The following HOMER2 variants were observed in gnomAD, a reference collection of about 807,000 sequenced individuals.
HOMER2 encodes homer scaffold protein 2.
Under a neutral mutation model 47.0 loss-of-function variants are expected in HOMER2, and 27 were observed. That is an observed-to-expected ratio of 0.57 (90% CI 0.42 to 0.79). The LOEUF is 0.79. Among genes scored for constraint, HOMER2 ranks in the 30% least tolerant of loss-of-function variants. The pLI is 0.00. For missense variants in HOMER2, 443 were observed against 435.0 expected (o/e 1.02, Z -0.16); for synonymous variants, 161 against 163.8 (o/e 0.98, Z 0.13).
At chr15:82,868,096 T>G (rs1279178854) in intron 3 of HOMER2, among the ~76,000 whole-genome samples, 3 of 152,124 alleles carry the variant, frequency 2.0e-5, no homozygotes, top group Non-Finnish European at 2.9e-5. Context: ...GAAAAAAATA[T>G]TTTTTTCATA....
At chr15:82,855,351 A>G (rs2051548870) in intron 5 of HOMER2, among the ~76,000 whole-genome samples, 2 of 148,144 alleles carry the variant, frequency 1.4e-5, no homozygotes, top group African/African-American at 5.0e-5. Context: ...AAAAAAAAAG[A>G]AAACACAATT....
At chr15:82,866,619 T>C (rs540512199) in intron 3 of HOMER2, among the ~76,000 whole-genome samples, 33 of 152,320 alleles carry the variant, frequency 2.2e-4, no homozygotes, top group African/African-American at 7.5e-4. Context: ...AATTCCCACA[T>C]GTCATGGGAA....
chr15:82,934,176 C>A (rs781249518), intron 1 of HOMER2, among the ~76,000 whole-genome samples: 2 of 152,126 alleles, frequency 1.3e-5, no homozygotes, highest in Admixed American at 6.6e-5. Flanking sequence ...ATCCTGGTGG[C>A]CCCCATCATG....
chr15:82,853,091 C>T (rs117460487), intron 6 of HOMER2, among the ~76,000 whole-genome samples: 1,607 of 152,320 alleles, frequency 0.011, 7 homozygotes, highest in Non-Finnish European at 0.016. Flanking sequence ...GGACACTTCC[C>T]AGAGGCAGGC....
chr15:82,977,975 C>T (rs1292142386), intron 1 of HOMER2, among the ~76,000 whole-genome samples: 2 of 152,114 alleles, frequency 1.3e-5, no homozygotes, highest in African/African-American at 4.8e-5. Flanking sequence ...CATGGTGAAA[C>T]CCCGTCTCTA....
Position 82,917,742 on chromosome 15 carries a change from C to T in HOMER2, c.6-24901G>A, listed in dbSNP as rs539107605. Reference sequence around the variant, plus strand: ...ACACTTGGAAACAGTGTGCCTCCCACCAGCCTTTCATATGCTGCAGGCCTA... The same window carrying T: ...ACACTTGGAAACAGTGTGCCTCCCATCAGCCTTTCATATGCTGCAGGCCTA... On this transcript the variant is annotated intron_variant, in intron 1 of 8. Transcript: ENST00000450735. 1.7e-4 allele frequency among the ~76,000 whole-genome samples: 26 copies of T among 152,306 alleles called. No individual in the cohort carries two copies. In the South Asian group the frequency reaches 2.5e-3, roughly 15 times the overall value.
intron 1 of HOMER2, among the ~76,000 whole-genome samples, chr15:82,894,813 T>C (rs1418321195): frequency 1.4e-5 from 2 of 145,176 alleles, no homozygotes; most frequent in Non-Finnish European, 3.0e-5. Flanking sequence ...AAAAGAGACA[T>C]AGACAAGATA....
chr15:82,929,231 C>T (rs899292285), intron 1 of HOMER2, among the ~76,000 whole-genome samples: 1 of 152,112 alleles, frequency 6.6e-6, no homozygotes, highest in African/African-American at 2.4e-5. Context: ...TACAATCCAA[C>T]AGGATCAAAG....
At chr15:82,911,457 G>A (rs541939266) in intron 1 of HOMER2, among the ~76,000 whole-genome samples, 5 of 152,240 alleles carry the variant, frequency 3.3e-5, no homozygotes, top group African/African-American at 9.6e-5. Context: ...GGGAAAAAAA[G>A]CTGTTTTTTT....
At chr15:82,980,644 A>T (rs1267206847) in intron 1 of HOMER2, among the ~76,000 whole-genome samples, 1 of 152,188 alleles carries the variant, frequency 6.6e-6, no homozygotes, top group African/African-American at 2.4e-5. Flanking sequence ...AATACAGAAC[A>T]ATAAGAAAAC....
At chr15:82,939,781 C>G (rs1439931541) in intron 1 of HOMER2, among the ~76,000 whole-genome samples, 1 of 152,158 alleles carries the variant, frequency 6.6e-6, no homozygotes, top group East Asian at 1.9e-4. Flanking sequence ...ATCTCTTAAG[C>G]CCAGTCTCTT....
chr15:82,979,278 C>T (rs1314852578), intron 1 of HOMER2, among the ~76,000 whole-genome samples: 1 of 152,070 alleles, frequency 6.6e-6, no homozygotes, highest in Non-Finnish European at 1.5e-5. Context: ...TGAGACTGGA[C>T]CGATAAGACA....
At chr15:82,891,549 A>G (rs1217930323) in intron 2 of HOMER2, among the ~76,000 whole-genome samples, 1 of 152,096 alleles carries the variant, frequency 6.6e-6, no homozygotes, top group Non-Finnish European at 1.5e-5. Context: ...AGGCTTCCCC[A>G]CACCTTCTGT....
At chr15:82,891,524 G>T (rs550143552) in intron 2 of HOMER2, among the ~76,000 whole-genome samples, 1 of 152,256 alleles carries the variant, frequency 6.6e-6, no homozygotes, top group South Asian at 2.1e-4. Context: ...GCCTTCCCTG[G>T]GAGAGCTTCC....
At chr15:82,918,002 G>A (rs890147625) in intron 1 of HOMER2, among the ~76,000 whole-genome samples, 2 of 152,144 alleles carry the variant, frequency 1.3e-5, no homozygotes, top group African/African-American at 2.4e-5. Context: ...CTGCTCCTCA[G>A]CTGGACCATC....
At chr15:82,966,481 G>C (rs923320877) in intron 1 of HOMER2, among the ~76,000 whole-genome samples, 2 of 152,182 alleles carry the variant, frequency 1.3e-5, no homozygotes, top group African/African-American at 4.8e-5. Flanking sequence ...ACACCCTGTT[G>C]CTCCCTGACT....
intron 8 of HOMER2, 23 bp from the exon 9 acceptor site, chr15:82,849,926 G>T (rs373450102): frequency 8.1e-6 from 13 of 1,607,920 alleles, no homozygotes; most frequent in Non-Finnish European, 1.1e-5. Context: ...AAGGGAGAAG[G>T]GTCTAGAAAA....
chr15:82,850,428 G>A (rs1361792222), intron 8 of HOMER2, among the ~76,000 whole-genome samples: 1 of 152,198 alleles, frequency 6.6e-6, no homozygotes, highest in African/African-American at 2.4e-5. Context: ...TGCACCCTCT[G>A]ATGCTGTTAC....
chr15:82,936,514 TC>T (rs1377847831), intron 1 of HOMER2, among the ~76,000 whole-genome samples: 1 of 152,202 alleles, frequency 6.6e-6, no homozygotes, highest in African/African-American at 2.4e-5. Context: ...TTGTTTCTTG[TC>T]AATCTTTTAA....
Sources: allele counts gnomAD v4.1 joint callset (sites outside exome capture counted in the v4.1 genomes callset), GRCh38; gene constraint gnomAD v4.1.1; transcripts MANE v1.5; gene names NCBI Gene and HGNC (gene_info 2026-07-23, HGNC 2026-07-21).